FSTL5: variants seen among roughly 807,000 people sequenced by gnomAD.
FSTL5 encodes follistatin like 5.
A neutral mutation model predicts 89.1 loss-of-function variants in FSTL5; 62 were observed. The observed-to-expected ratio is 0.70, with a 90% confidence interval of 0.57 to 0.86. The LOEUF (loss-of-function observed/expected upper bound fraction) is 0.86, where lower values mean the gene tolerates loss of function less well. Among genes scored for constraint, FSTL5 ranks in the 40% least tolerant of loss-of-function variants. The pLI is 0.00. For synonymous variants in FSTL5, 383 were observed against 346.2 expected (o/e 1.11, Z -1.18); for missense variants, 1,057 against 1,001.6 (o/e 1.06, Z -0.75).
chr4:162,108,180 T>C (rs1731293978), intron 2 of FSTL5, among the ~76,000 whole-genome samples: 1 of 152,144 alleles, frequency 6.6e-6, no homozygotes, highest in South Asian at 2.1e-4. Flanking sequence ...ATAAGTAAGA[T>C]TTCTACAATT....
At chr4:161,867,305 A>T (rs1732124982) in intron 4 of FSTL5, among the ~76,000 whole-genome samples, 1 of 152,052 alleles carries the variant, frequency 6.6e-6, no homozygotes, top group Non-Finnish European at 1.5e-5. Flanking sequence ...TTAATGCCTT[A>T]AGCAGTACAA....
At chr4:161,406,268 CTT>C (rs36029800) in intron 15 of FSTL5, among the ~76,000 whole-genome samples, 16,047 of 151,978 alleles carry the variant, frequency 0.11, 864 homozygotes, top group Non-Finnish European at 0.12. Flanking sequence ...TTGATTTTTT[CTT>C]TGAGTCATTT....
Position 161,783,647 on chromosome 4 carries a change from CTCTCTT to C in FSTL5, c.410-7579_410-7574del, listed in dbSNP as rs1560843501. Among the ~76,000 whole-genome samples, 43 of 92,322 alleles carry C rather than the reference CTCTCTT, an allele frequency of 4.7e-4. 4 individuals carry two copies. Among genetic ancestry groups the C allele is most frequent in the African/African-American group, 1.9e-3 (43 of 23,224 alleles). 60.6% of individuals were successfully genotyped at this position (92,322 alleles called of 152,430 possible). ...CTTTCTCTTTCTTTTCTTTCTTTCT[CTCTCTT>C]TCTTTCTTTCTCTTTCTTTCTTTCT... On this transcript the variant is annotated intron_variant, in intron 4 of 15. Coordinates refer to ENST00000306100, the MANE Select transcript of FSTL5 (RefSeq NM_020116.5).
chr4:161,535,478 G>T (rs1344867888), intron 10 of FSTL5, among the ~76,000 whole-genome samples: 1 of 152,006 alleles, frequency 6.6e-6, no homozygotes, highest in Non-Finnish European at 1.5e-5. Context: ...TATGAAAAAT[G>T]CTCCACGTCA....
intron 2 of FSTL5, among the ~76,000 whole-genome samples, chr4:162,097,380 A>T (rs1730807206): frequency 6.6e-6 from 1 of 151,820 alleles, no homozygotes; most frequent in Non-Finnish European, 1.5e-5. Flanking sequence ...AATAAAATAT[A>T]CAATTATTTT....
intron 7 of FSTL5, among the ~76,000 whole-genome samples, chr4:161,625,515 G>A (rs1735285880): frequency 6.6e-6 from 1 of 152,056 alleles, no homozygotes; most frequent in Non-Finnish European, 1.5e-5. Flanking sequence ...ATTGAAAAAT[G>A]TGTGCTTCAC....
chr4:162,070,282 C>A (rs1391777962), intron 2 of FSTL5, among the ~76,000 whole-genome samples: 1 of 151,780 alleles, frequency 6.6e-6, no homozygotes, highest in African/African-American at 2.4e-5. Flanking sequence ...ATTAGACAAA[C>A]CCTTTGCAAG....
intron 10 of FSTL5, among the ~76,000 whole-genome samples, chr4:161,512,050 C>T (rs1253064983): frequency 6.6e-6 from 1 of 151,824 alleles, no homozygotes; most frequent in African/African-American, 2.4e-5. Context: ...GTATATTTGG[C>T]GGGTAAGACT....
intron 3 of FSTL5, among the ~76,000 whole-genome samples, chr4:161,924,493 G>C (rs1054910610): frequency 6.6e-6 from 1 of 151,464 alleles, no homozygotes; most frequent in East Asian, 1.9e-4. Context: ...GTGGTATATT[G>C]GTTGGTATAT....
chr4:161,744,632 AG>A (rs1263965946), intron 6 of FSTL5, among the ~76,000 whole-genome samples: 1 of 152,136 alleles, frequency 6.6e-6, no homozygotes, highest in Non-Finnish European at 1.5e-5. Context: ...AGTCACTAAA[AG>A]GAACTTAATG....
At chr4:162,107,109 A>G (rs1475483884) in intron 2 of FSTL5, among the ~76,000 whole-genome samples, 1 of 152,204 alleles carries the variant, frequency 6.6e-6, no homozygotes, top group East Asian at 1.9e-4. Flanking sequence ...TTACTATCAC[A>G]TGAATGTGGG....
chr4:161,632,457 T>C (rs1427441184), intron 7 of FSTL5, among the ~76,000 whole-genome samples: 3 of 152,084 alleles, frequency 2.0e-5, no homozygotes, highest in African/African-American at 7.2e-5. Context: ...CATTTAGACA[T>C]TGGTGTGTAG....
chr4:161,422,842 T>C (rs1412352937), intron 15 of FSTL5, among the ~76,000 whole-genome samples: 1 of 152,176 alleles, frequency 6.6e-6, no homozygotes, highest in Non-Finnish European at 1.5e-5. Flanking sequence ...AATGGGCCTA[T>C]GGACCGAAAA....
At chr4:161,958,908 A>T (rs1236599610) in intron 3 of FSTL5, among the ~76,000 whole-genome samples, 1 of 152,008 alleles carries the variant, frequency 6.6e-6, no homozygotes, top group African/African-American at 2.4e-5. Context: ...TGTCCTTTGA[A>T]CTGCAGCCTT....
chr4:161,482,941 G>T (rs1249436224), intron 12 of FSTL5, among the ~76,000 whole-genome samples: 1 of 152,174 alleles, frequency 6.6e-6, no homozygotes, highest in African/African-American at 2.4e-5. Context: ...GACATAAGCG[G>T]AAAGTCTGAA....
intron 10 of FSTL5, among the ~76,000 whole-genome samples, chr4:161,516,319 A>G (rs1730828094): frequency 6.7e-6 from 1 of 148,898 alleles, no homozygotes; most frequent in Non-Finnish European, 1.5e-5. Flanking sequence ...TCCTTCAGAC[A>G]ATATAAACAG....
chr4:161,654,350 A>G (rs1440390908), intron 7 of FSTL5, among the ~76,000 whole-genome samples: 1 of 152,154 alleles, frequency 6.6e-6, no homozygotes, highest in Non-Finnish European at 1.5e-5. Flanking sequence ...TGGAAAGCTT[A>G]AGAGTATGGA....
chr4:161,976,479 TTTG>T (rs537524830), intron 3 of FSTL5, among the ~76,000 whole-genome samples: 8 of 151,936 alleles, frequency 5.3e-5, no homozygotes, highest in South Asian at 2.1e-4. Context: ...TTAAGTTGGT[TTTG>T]TTGTTGTTGT....
chr4:161,826,832 C>T (rs1730683989), intron 4 of FSTL5, among the ~76,000 whole-genome samples: 2 of 152,110 alleles, frequency 1.3e-5, no homozygotes, highest in African/African-American at 2.4e-5. Context: ...TTGGTAAATT[C>T]TTATCCATTC....
Sources: gnomAD v4.1 joint callset for allele counts (sites outside exome capture counted in the v4.1 genomes callset) on GRCh38, gnomAD v4.1.1 for gene constraint, MANE v1.5 for transcripts, NCBI Gene and HGNC (gene_info 2026-07-23, HGNC 2026-07-21) for gene names.